Variants in DDO observed in about 807,000 individuals in gnomAD.
DDO encodes D-aspartate oxidase, DDO.
A neutral mutation model predicts 16.8 loss-of-function variants in DDO; 16 were observed. That is an observed-to-expected ratio of 0.95 (90% confidence interval 0.65 to 1.45). DDO has a LOEUF of 1.45. Ranked by LOEUF, DDO falls within the 40% of genes most tolerant of loss-of-function variation. The probability of loss-of-function intolerance (pLI) is 0.00; values close to 1 mark genes in which losing one functional copy is unlikely to be tolerated. For synonymous variants in DDO, 180 were observed against 167.2 expected, an observed-to-expected ratio of 1.08 and a Z score of -0.59; for missense variants, 429 against 420.3, an observed-to-expected ratio of 1.02 and a Z score of -0.18.
intron 4 of DDO, among the ~76,000 whole-genome samples, chr6:110,396,770 T>C (rs1249294286): frequency 2.6e-5 from 4 of 152,212 alleles, no homozygotes; most frequent in Non-Finnish European, 5.9e-5. Context: ...ATAGCAAATT[T>C]TATGGGGACA....
At chr6:110,400,377 G>A (rs1773446014) in intron 4 of DDO, among the ~76,000 whole-genome samples, 1 of 141,300 alleles carries the variant, frequency 7.1e-6, no homozygotes, top group African/African-American at 2.7e-5. Flanking sequence ...ACGGGCCCGC[G>A]TGGGGACCTC....
rs2114803531 is a variant in DDO at position 110,392,425 on chromosome 6, A to T, written c.*350T>A. The T allele has an allele frequency of 9.9e-7, 1 of 1,014,900 alleles. No individual in the cohort carries two copies. The highest frequency in any genetic ancestry group is 1.7e-5 in the African/African-American group (1 of 58,648). 62.9% of individuals were successfully genotyped at this position (1,014,900 alleles called of 1,614,324 possible). ...CTCTATAAGAAGTATTTTTAACAAA[A>T]AATAGAGCTTTATGCCCTATGCCAT... On this transcript the variant is annotated 3_prime_UTR_variant, in exon 5 of 5. Transcript: ENST00000368924.
chr6:110,391,315 C>T (rs901714769), downstream of DDO, among the ~76,000 whole-genome samples: 1 of 151,810 alleles, frequency 6.6e-6, no homozygotes, highest in African/African-American at 2.4e-5. Flanking sequence ...AGTCGTCTTC[C>T]CCAAATATTA....
intron 4 of DDO, among the ~76,000 whole-genome samples, chr6:110,396,623 A>C (rs576292511): frequency 3.0e-4 from 46 of 152,250 alleles, no homozygotes; most frequent in Non-Finnish European, 1.8e-4. Context: ...GAACCAATAA[A>C]GCCAATGGAT....
intron 4 of DDO, among the ~76,000 whole-genome samples, chr6:110,399,106 T>C (rs1773388808): frequency 6.6e-6 from 1 of 152,202 alleles, no homozygotes; most frequent in Non-Finnish European, 1.5e-5. Context: ...GAATATGATA[T>C]GAAATATGAC....
At chr6:110,405,189 A>G (rs1773611110) in intron 3 of DDO, among the ~76,000 whole-genome samples, 1 of 152,020 alleles carries the variant, frequency 6.6e-6, no homozygotes, top group South Asian at 2.1e-4. Flanking sequence ...GGCGCTTGCT[A>G]CCACACCTGA....
rs370285627 is a variant in DDO, at chr6:110,393,280, G to T, written c.521C>A (p.Pro174Gln). 5.0e-6 allele frequency: 8 copies of T among 1,613,596 alleles called. No homozygotes were observed. The Admixed American group carries it at 1.2e-4, about 24-fold the overall frequency. ...ACAGTTGACCACGATGTCAAAGGAC[G>T]GATGAAGTTCCCACAGGTCTTCTAT... ...RRIEDLWELH[P>Q]SFDIVVNCSG... Residue 174 changes from proline to glutamine, a missense_variant, in exon 5 of 5, where the codon CCG (proline) becomes CAG (glutamine). Pro to Gln is a moderately conservative substitution (Grantham distance 76). Coordinates refer to ENST00000368924, the MANE Select transcript of DDO (RefSeq NM_001372108.2).
intron 4 of DDO, among the ~76,000 whole-genome samples, chr6:110,399,408 A>G (rs1226250651): frequency 4.6e-5 from 7 of 152,244 alleles, no homozygotes; most frequent in African/African-American, 7.2e-5. Context: ...GTAGGTGGCA[A>G]CAAAATAGAC....
chr6:110,407,060 C>A (rs2114833021), intron 3 of DDO, among the ~76,000 whole-genome samples: 1 of 152,302 alleles, frequency 6.6e-6, no homozygotes. Context: ...TGCTATATCC[C>A]TAATACCTAA....
At position 110,392,344 on chromosome 6, in the gene DDO, C is replaced by T. The variant is rs1347603910; in HGVS notation, c.*431G>A. 1.0e-6 allele frequency: 1 copy of T among 986,988 alleles called. No individual in the cohort carries two copies. The highest frequency in any genetic ancestry group is 1.1e-4 in the East Asian group (1 of 8,860). The allele number at this position is 986,988 out of a possible 1,614,324, so 61.1% of individuals were successfully genotyped here. On this transcript the variant is annotated 3_prime_UTR_variant, in exon 5 of 5. Transcript: ENST00000368924. ...AATGATATCAAAATCTCTATAGCTTCCAACATTCATATAAATCTGCATAGG... is the reference window on the plus strand; with the variant it reads ...AATGATATCAAAATCTCTATAGCTTTCAACATTCATATAAATCTGCATAGG...
chr6:110,388,915 T>C (rs1035430815), downstream of DDO: 29 of 514,650 alleles, frequency 5.6e-5, no homozygotes, highest in Non-Finnish European at 7.0e-5. Context: ...CCTCAACTTA[T>C]ATAAACATTG....
At chr6:110,408,105 G>A (rs1308877365) in intron 3 of DDO, among the ~76,000 whole-genome samples, 3 of 152,078 alleles carry the variant, frequency 2.0e-5, no homozygotes, top group East Asian at 1.9e-4. Context: ...AAAATCAATC[G>A]TATTTGTGAT....
At position 110,415,557 on chromosome 6, in the gene DDO, A is replaced by G. The variant is rs770810134; in HGVS notation, c.-95T>C. On this transcript the variant is annotated 5_prime_UTR_variant, in exon 1 of 5. Transcript: ENST00000368924. ...CCTGGCTGGTCTCATGCCCTGAGAGACAGAGAGAAAGCGAAACTGATTCCC... is the reference window on the plus strand; with the variant it reads ...CCTGGCTGGTCTCATGCCCTGAGAGGCAGAGAGAAAGCGAAACTGATTCCC... The G allele has an allele frequency of 5.0e-6, 8 of 1,613,644 alleles. No individual in the cohort carries two copies. In the African/African-American group the frequency reaches 8.0e-5, roughly 16 times the overall value.
intron 4 of DDO, among the ~76,000 whole-genome samples, chr6:110,394,092 T>C (rs568399424): frequency 2.6e-5 from 4 of 151,564 alleles, no homozygotes; most frequent in African/African-American, 9.7e-5. Context: ...CCATATGCAC[T>C]ATCCATCTTC....
intron 2 of DDO, among the ~76,000 whole-genome samples, chr6:110,410,019 T>C (rs77301092): frequency 0.023 from 3,431 of 152,288 alleles, 126 homozygotes; most frequent in African/African-American, 0.079. Context: ...TGCCAGGTAC[T>C]GTTCTAAATG....
At chr6:110,403,911 T>G (rs1167527258) in intron 4 of DDO, among the ~76,000 whole-genome samples, 2 of 152,374 alleles carry the variant, frequency 1.3e-5, no homozygotes, top group East Asian at 3.9e-4. Flanking sequence ...ACAAAAGTTG[T>G]GTAATTAATG....
intron 4 of DDO, among the ~76,000 whole-genome samples, chr6:110,402,624 A>G (rs759797045): frequency 3.3e-5 from 5 of 152,232 alleles, no homozygotes; most frequent in Non-Finnish European, 7.3e-5. Flanking sequence ...ACGCCACTGC[A>G]CTTCAGCCTG....
intron 4 of DDO, among the ~76,000 whole-genome samples, chr6:110,401,003 C>A (rs1773469223): frequency 6.6e-6 from 1 of 152,234 alleles, no homozygotes; most frequent in Non-Finnish European, 1.5e-5. Flanking sequence ...CTTCCAGGAC[C>A]TGCACTGTCT....
chr6:110,415,348 T>C (rs942800285), intron 1 of DDO, 119 bp downstream of exon 1: 2 of 1,316,062 alleles, frequency 1.5e-6, no homozygotes, highest in African/African-American at 3.0e-5. Flanking sequence ...GCGAGCAATG[T>C]GGTGTGTCCT....
Sources: gnomAD v4.1 joint callset for allele counts (sites outside exome capture counted in the v4.1 genomes callset) on GRCh38, gnomAD v4.1.1 for gene constraint, MANE v1.5 for transcripts, NCBI Gene and HGNC (gene_info 2026-07-23, HGNC 2026-07-21) for gene names.